The following LONP2 variants were observed in gnomAD, a reference collection of about 807,000 sequenced individuals.
LONP2 encodes lon protease homolog 2, peroxisomal.
In LONP2, 60 loss-of-function variants were observed where a neutral mutation model predicts 85.6. That is an observed-to-expected ratio of 0.70 (90% CI 0.57 to 0.87). The LOEUF (loss-of-function observed/expected upper bound fraction) is 0.87. LONP2 is among the 40% of genes least tolerant of loss of function. The pLI, the probability that LONP2 is intolerant of heterozygous loss-of-function variation, is 0.00. For synonymous variants in LONP2, 395 were observed against 389.7 expected (o/e 1.01, Z -0.16); for missense variants, 860 against 1,063.5 (o/e 0.81, Z 2.66).
At chr16:48,325,259 C>A (rs1390629752) in intron 11 of LONP2, among the ~76,000 whole-genome samples, 1 of 152,166 alleles carries the variant, frequency 6.6e-6, no homozygotes, top group Non-Finnish European at 1.5e-5. Flanking sequence ...GTAATGCTTG[C>A]CCACCCGCTG....
At chr16:48,253,072 C>G (rs1162415627) in intron 2 of LONP2, among the ~76,000 whole-genome samples, 3 of 152,146 alleles carry the variant, frequency 2.0e-5, no homozygotes, top group African/African-American at 7.2e-5. Flanking sequence ...TACTACTGAT[C>G]ATTGAAATAT....
At chr16:48,330,864 G>A in intron 11 of LONP2, among the ~76,000 whole-genome samples, 1 of 152,112 alleles carries the variant, frequency 6.6e-6, no homozygotes. Context: ...TCTTTTATAA[G>A]GTCTAGTTGC....
At chr16:48,309,258 T>C (rs1167097923) in intron 11 of LONP2, among the ~76,000 whole-genome samples, 1 of 152,074 alleles carries the variant, frequency 6.6e-6, no homozygotes, top group Non-Finnish European at 1.5e-5. Flanking sequence ...GAACAAAAAA[T>C]AGAACCGTCA....
At chr16:48,310,838 C>T (rs1314782503) in intron 11 of LONP2, among the ~76,000 whole-genome samples, 1 of 152,096 alleles carries the variant, frequency 6.6e-6, no homozygotes, top group Non-Finnish European at 1.5e-5. Context: ...TTAAATATTT[C>T]TCATAGGACC....
At position 48,277,468 on chromosome 16, in the gene LONP2, G is replaced by T. The variant is rs767473511; in HGVS notation, c.1372G>T (p.Ala458Ser). The change falls in exon 8 of 15, where the codon GCT becomes TCT. Residue 458 changes from alanine to serine, a missense_variant. Ala to Ser is a moderately conservative substitution (Grantham distance 99, BLOSUM62 1). This residue lies in a region of LONP2 where 743 missense variants were observed against 917.3 expected (regional missense o/e 0.81). Transcript: ENST00000285737. ...AAGTCTACAGGGTGATCCAGCAGCAGCTCTGCTTGAGGTAAGATTTGGAAA... is the reference window on the plus strand; with the variant it reads ...AAGTCTACAGGGTGATCCAGCAGCATCTCTGCTTGAGGTAAGATTTGGAAA... ...GKSLQGDPAAALLEVLDPEQN... is the reference protein window; with the variant it reads ...GKSLQGDPAASLLEVLDPEQN... 5.0e-6 allele frequency: 8 copies of T among 1,613,306 alleles called. No individual in the cohort carries two copies. The highest frequency in any genetic ancestry group is 6.8e-6 in the Non-Finnish European group (8 of 1,179,664).
At chr16:48,334,388 C>T (rs1175310634) in intron 12 of LONP2, 30 bp downstream of exon 12, 1 of 1,613,826 alleles carries the variant, frequency 6.2e-7, no homozygotes, top group African/African-American at 1.3e-5. Flanking sequence ...TCTTTTTGCT[C>T]CAGTCAATGA....
intron 6 of LONP2, among the ~76,000 whole-genome samples, chr16:48,266,615 C>A (rs1032016287): frequency 6.6e-6 from 1 of 152,072 alleles, no homozygotes; most frequent in Non-Finnish European, 1.5e-5. Context: ...GAGTATGAGC[C>A]CTTTTTTCTG....
chr16:48,281,948 T>C (rs1049105581), intron 8 of LONP2, among the ~76,000 whole-genome samples: 8 of 152,216 alleles, frequency 5.3e-5, no homozygotes, highest in African/African-American at 1.9e-4. Flanking sequence ...GATAAAAAGC[T>C]TAAGGCCTAA....
chr16:48,330,382 A>G (rs950148787), intron 11 of LONP2, among the ~76,000 whole-genome samples: 1 of 152,214 alleles, frequency 6.6e-6, no homozygotes, highest in African/African-American at 2.4e-5. Context: ...AAAAGTCCAT[A>G]TTGCTTGAAT....
In LONP2 at chr16:48,356,579, C is replaced by A; in HGVS notation, c.*4777C>A. 1 of 231,574 alleles carries A rather than the reference C, an allele frequency of 4.3e-6. No individual in the cohort carries two copies. Among genetic ancestry groups the A allele is most frequent in the Non-Finnish European group, 9.0e-6 (1 of 111,648 alleles). The allele number at this position is 231,574 out of a possible 1,614,324, so 14.3% of individuals were successfully genotyped here. ...CAATTTGATGATTTATGGTCCAACA[C>A]TAATGCTCATTTTTTTTGTTTGTTT... On this transcript the variant is annotated 3_prime_UTR_variant, in exon 15 of 15. Transcript: ENST00000285737.
chr16:48,329,898 G>T (rs911561312), intron 11 of LONP2, among the ~76,000 whole-genome samples: 1 of 152,158 alleles, frequency 6.6e-6, no homozygotes, highest in African/African-American at 2.4e-5. Context: ...GCTGTTATTT[G>T]TAGTGCTGCG....
At chr16:48,269,200 G>GTT (rs749826185) in intron 6 of LONP2, among the ~76,000 whole-genome samples, 13 of 125,800 alleles carry the variant, frequency 1.0e-4, no homozygotes, top group Non-Finnish European at 8.5e-5. Context: ...TACATCATCT[G>GTT]TTTTTTTTTT....
Position 48,348,245 on chromosome 16 carries a change from T to A in LONP2, c.2292T>A (p.Asp764Glu). 1 of 1,600,338 alleles carries A rather than the reference T, an allele frequency of 6.2e-7. No homozygotes were observed. The highest frequency in any genetic ancestry group is 8.5e-7 in the Non-Finnish European group (1 of 1,174,728). Reference protein sequence around the residue: ...SLFSGRLVRSDVAMTGEITLR... With the variant: ...SLFSGRLVRSEVAMTGEITLR... ...TTAGTGGGCGGCTGGTACGTTCAGA[T>A]GTAGCCATGACTGGAGAAATTACAC... The change falls in exon 14 of 15, where the codon GAT (aspartate) becomes GAA (glutamate). Residue 764 changes from aspartate (D) to glutamate (E), a missense_variant. Coordinates refer to ENST00000285737, the MANE Select transcript of LONP2 (RefSeq NM_031490.5).
intron 7 of LONP2, among the ~76,000 whole-genome samples, chr16:48,273,341 G>GT (rs1415627176): frequency 4.6e-5 from 7 of 152,126 alleles, no homozygotes; most frequent in African/African-American, 1.7e-4. Context: ...GCAAAGATAT[G>GT]TTTTTTATGG....
At chr16:48,333,883 C>T (rs570694767) in intron 11 of LONP2, among the ~76,000 whole-genome samples, 10 of 152,230 alleles carry the variant, frequency 6.6e-5, no homozygotes, top group African/African-American at 2.4e-4. Flanking sequence ...TGAATAGTGC[C>T]GGGAATTGTT....
rs912692327 is a variant in LONP2, at chr16:48,331,635, G to A, written c.1796-2581G>A. Among the ~76,000 whole-genome samples the A allele has an allele frequency of 6.0e-5, 9 of 148,858 alleles. No homozygotes were observed. The South Asian group carries it at 1.9e-3, about 32-fold the overall frequency. On this transcript the variant is annotated intron_variant, in intron 11 of 14. Transcript: ENST00000285737. ...GCTGGAGTGCAGTGGCGCGATCTCC[G>A]CTCACTGCAAGCTCTGCCTCCCGGG...
intron 7 of LONP2, among the ~76,000 whole-genome samples, chr16:48,275,792 T>C (rs1972196026): frequency 6.6e-6 from 1 of 152,174 alleles, no homozygotes; most frequent in Non-Finnish European, 1.5e-5. Flanking sequence ...TTGAACCTTA[T>C]TCTGTAGGCT....
chr16:48,256,191 G>A (rs1429785069), intron 2 of LONP2, among the ~76,000 whole-genome samples: 1 of 152,200 alleles, frequency 6.6e-6, no homozygotes, highest in East Asian at 1.9e-4. Context: ...CATTAATTAT[G>A]TGTGAGTGTG....
At chr16:48,267,539 A>T (rs1972015921) in intron 6 of LONP2, among the ~76,000 whole-genome samples, 2 of 151,944 alleles carry the variant, frequency 1.3e-5, no homozygotes, top group Non-Finnish European at 2.9e-5. Context: ...GCCTCAAGTG[A>T]TCTGCCTGCT....
Sources: gnomAD v4.1 joint callset for allele counts (sites outside exome capture counted in the v4.1 genomes callset) on GRCh38, gnomAD v4.1.1 for gene constraint, gnomAD v4.1.1 regional missense constraint, MANE v1.5 for transcripts, NCBI Gene and HGNC (gene_info 2026-07-23, HGNC 2026-07-21) for gene names.